TSPEAR: variants seen among roughly 807,000 people sequenced by gnomAD.
TSPEAR encodes the protein thrombospondin type laminin G domain and EAR repeats.
In TSPEAR, 69 loss-of-function variants were observed where a neutral mutation model predicts 71.6. That is an observed-to-expected ratio of 0.96 (90% CI 0.79 to 1.18). The LOEUF (loss-of-function observed/expected upper bound fraction) is 1.18. Among genes scored for constraint, TSPEAR ranks in the 50% most tolerant of loss-of-function variants. TSPEAR has a pLI of 0.00. For synonymous variants in TSPEAR, 402 were observed against 387.2 expected (o/e 1.04, Z -0.45); for missense variants, 971 against 894.9 (o/e 1.09, Z -1.09).
At chr21:44,550,865 ACAGCAGATGGACTTG>A in intron 2 of TSPEAR, 12 of 1,533,902 alleles carry the variant, frequency 7.8e-6, no homozygotes, top group Non-Finnish European at 1.1e-5. Context: ...AAACAGGTAC[ACAGCAGATGGACTTG>A]CAGCAGACAG....
At chr21:44,523,420 CAGGT>C (rs2052777822) in intron 8 of TSPEAR, among the ~76,000 whole-genome samples, 2 of 151,626 alleles carry the variant, frequency 1.3e-5, no homozygotes, top group Admixed American at 1.3e-4. Context: ...GTCAGGTAGT[CAGGT>C]AGTTAGTCAG....
chr21:44,499,827 C>A lies in TSPEAR; in HGVS notation c.1966G>T (p.Ala656Ser). 1 of 1,586,382 alleles carries A rather than the reference C, an allele frequency of 6.3e-7. No individual in the cohort carries two copies. Among genetic ancestry groups the A allele is most frequent in the Non-Finnish European group, 8.6e-7 (1 of 1,167,670 alleles). Residue 656 changes from alanine to serine, a missense_variant, in exon 12 of 12, where the codon GCC (alanine) becomes TCC (serine). Physicochemically the swap from Ala to Ser is moderately conservative, Grantham distance 99. Transcript: ENST00000323084. ...AGGACCCTGGAGAGGGGCTCCTTGG[C>A]GCTGGAGTAGATGAGGTAGGCACCA... The part of the protein sequence containing the change: ...TAGAYLIYSS[A>S]KEPLSRVLRL...
intron 1 of TSPEAR, chr21:44,580,211 G>A (rs781932424): frequency 5.0e-6 from 8 of 1,614,016 alleles, no homozygotes; most frequent in Middle Eastern, 1.6e-4. Flanking sequence ...GCAGGAGGAA[G>A]AGGCACAGCA....
At chr21:44,646,519 G>A (rs1555939765) in intron 1 of TSPEAR, 5 of 1,612,566 alleles carry the variant, frequency 3.1e-6, no homozygotes, top group Admixed American at 1.7e-5. Context: ...GCAGGTGGAC[G>A]ACTGCCCAGA....
At chr21:44,677,778 G>T in intron 1 of TSPEAR, 1 of 1,319,722 alleles carries the variant, frequency 7.6e-7, no homozygotes, top group South Asian at 1.2e-5. Context: ...AGACTGAGTT[G>T]ATTTCTTTGG....
Position 44,612,369 on chromosome 21 carries a change from G to A in TSPEAR, c.83-44364C>T, listed in dbSNP as rs781940173. ...GAGCCCAGCCCCTGCCAATCAGGCT[G>A]CACCGACTCCTGCACACCTTCATGC... On this transcript the variant is annotated intron_variant, in intron 1 of 11. Transcript: ENST00000323084. The surrounding 1 kb of genome is among the most constrained non-coding windows in gnomAD (Gnocchi z 4.1). 1.2e-6 allele frequency: 2 copies of A among 1,614,006 alleles called. No individual in the cohort carries two copies. The highest frequency in any genetic ancestry group is 3.3e-5 in the Admixed American group (2 of 60,018).
At chr21:44,505,537 T>C (rs2052172588) in intron 10 of TSPEAR, among the ~76,000 whole-genome samples, 1 of 95,408 alleles carries the variant, frequency 1.0e-5, no homozygotes, top group Admixed American at 1.6e-4. Context: ...ACCGAAGCTC[T>C]GCACCCAGTA....
intron 1 of TSPEAR, among the ~76,000 whole-genome samples, chr21:44,588,108 T>C (rs891862977): frequency 6.6e-6 from 1 of 151,664 alleles, no homozygotes; most frequent in South Asian, 2.1e-4. Context: ...TGGGAGAAAA[T>C]CTTCACAATC....
intron 5 of TSPEAR, 49 bp downstream of exon 5, chr21:44,529,749 G>T (rs782151623): frequency 1.2e-5 from 20 of 1,607,104 alleles, no homozygotes; most frequent in Non-Finnish European, 1.5e-5. Flanking sequence ...GTGAGGCCAG[G>T]GCTCTCGCAT....
At position 44,593,749 on chromosome 21, in the gene TSPEAR, T is replaced by C. The variant is rs73907039; in HGVS notation, c.83-25744A>G. On this transcript the variant is annotated intron_variant, in intron 1 of 11. Transcript: ENST00000323084. This position sits in a 1 kb window ranked among gnomAD's most constrained non-coding sequence, Gnocchi z 5.9. ...CAGGCAAGGGACAAGCCGCGTGCCC[T>C]ACACTGAGAGGACGGACTCTGCTCT... Among the ~76,000 whole-genome samples the C allele has an allele frequency of 6.6e-6, 1 of 152,176 alleles. No homozygotes were observed. The highest frequency in any genetic ancestry group is 1.5e-5 in the Non-Finnish European group (1 of 68,036).
intron 1 of TSPEAR, among the ~76,000 whole-genome samples, chr21:44,571,472 G>T (rs1054390743): frequency 6.6e-6 from 1 of 152,218 alleles, no homozygotes; most frequent in Non-Finnish European, 1.5e-5. Flanking sequence ...CAGCCTCCTT[G>T]CTCTGTCTCC....
At chr21:44,565,139 A>G (rs1555921585) in intron 2 of TSPEAR, among the ~76,000 whole-genome samples, 1 of 152,178 alleles carries the variant, frequency 6.6e-6, no homozygotes, top group African/African-American at 2.4e-5. Context: ...CAGCAAAAGT[A>G]TTGCTTAGAG....
In TSPEAR at chr21:44,697,333, G is replaced by A. The variant is rs373976770; in HGVS notation, c.82+14100C>T. On this transcript the variant is annotated intron_variant, in intron 1 of 11. Transcript: ENST00000323084. The stretch of plus-strand genomic sequence containing the variant: ...GCTGTGAGCCCCCCTGCTGCGCCCC[G>A]GCCCCCTGCCTGAGCCTGGTCTGCA... 24 of 1,611,858 alleles carry A rather than the reference G, an allele frequency of 1.5e-5. 1 individual carries two copies. Among genetic ancestry groups the A allele is most frequent in the South Asian group, 6.6e-5 (6 of 91,010 alleles).
chr21:44,590,621 G>A (rs1250360125), intron 1 of TSPEAR, among the ~76,000 whole-genome samples: 1 of 152,180 alleles, frequency 6.6e-6, no homozygotes. Flanking sequence ...GGAGATGAGG[G>A]CTGCAGGGAT....
intron 1 of TSPEAR, among the ~76,000 whole-genome samples, chr21:44,611,267 T>C (rs55661471): frequency 8.1e-4 from 123 of 152,242 alleles, no homozygotes; most frequent in African/African-American, 2.9e-3. Context: ...CATTCCTACA[T>C]GTTGTGGGAG....
At chr21:44,530,045 CGGA>C in intron 4 of TSPEAR, 91 bp from the exon 5 acceptor site, 1 of 1,338,908 alleles carries the variant, frequency 7.5e-7, no homozygotes, top group South Asian at 1.5e-5. Flanking sequence ...ATCCAGAGCC[CGGA>C]GGAGGCTCGG....
At chr21:44,552,340 C>T (rs1420632969) in intron 2 of TSPEAR, among the ~76,000 whole-genome samples, 1 of 152,170 alleles carries the variant, frequency 6.6e-6, no homozygotes, top group Non-Finnish European at 1.5e-5. Context: ...CACAGGTGAG[C>T]TCCTCTGTCT....
intron 1 of TSPEAR, among the ~76,000 whole-genome samples, chr21:44,619,569 G>A (rs1982316841): frequency 6.6e-6 from 1 of 152,152 alleles, no homozygotes. Flanking sequence ...TCTTAAACAT[G>A]TTTAAAAAAC....
At chr21:44,646,933 T>C (rs1984443093) in intron 1 of TSPEAR, 4 of 1,609,606 alleles carry the variant, frequency 2.5e-6, no homozygotes, top group South Asian at 2.2e-5. Context: ...GTGCTGTGTG[T>C]CCACCTGCTC....
Sources: gnomAD v4.1 joint callset for allele counts (sites outside exome capture counted in the v4.1 genomes callset) on GRCh38, gnomAD v4.1.1 for gene constraint, Gnocchi (gnomAD v3.1) non-coding constraint, MANE v1.5 for transcripts, NCBI Gene and HGNC (gene_info 2026-07-23, HGNC 2026-07-21) for gene names.